The following FRY variants were observed in gnomAD, a reference collection of about 807,000 sequenced individuals.
FRY encodes protein furry homolog.
In FRY, 128 loss-of-function variants were observed where a neutral mutation model predicts 348.4. The ratio of observed to expected loss-of-function variants is 0.37; its 90% CI spans 0.32 to 0.43. FRY has a LOEUF of 0.43. FRY is among the 20% of genes least tolerant of loss of function. FRY has a pLI of 1.00. For missense variants in FRY, 2,736 were observed against 3,695.2 expected (o/e 0.74, Z 6.73); for synonymous variants, 1,370 against 1,374.7 (o/e 1.00, Z 0.08).
intron 2 of FRY, among the ~76,000 whole-genome samples, chr13:32,094,334 T>C (rs762975545): frequency 1.3e-5 from 2 of 152,236 alleles, no homozygotes; most frequent in African/African-American, 4.8e-5. Flanking sequence ...GTCCATCCTC[T>C]GAAGCATTAT....
At chr13:32,286,390 C>T (rs2138635593) in intron 58 of FRY, among the ~76,000 whole-genome samples, 1 of 152,192 alleles carries the variant, frequency 6.6e-6, no homozygotes, top group Non-Finnish European at 1.5e-5. Context: ...TCAAGTTTTA[C>T]TTATCTCTTT....
chr13:32,128,119 A>T (rs1879138654), intron 7 of FRY, among the ~76,000 whole-genome samples: 1 of 152,180 alleles, frequency 6.6e-6, no homozygotes, highest in African/African-American at 2.4e-5. Flanking sequence ...TCTTGATTTA[A>T]AGTATCACTT....
At chr13:32,264,838 C>T (rs780131734) in intron 53 of FRY, among the ~76,000 whole-genome samples, 2 of 152,116 alleles carry the variant, frequency 1.3e-5, no homozygotes, top group African/African-American at 2.4e-5. Flanking sequence ...ATGGAAAGAC[C>T]GAGCAACCCA....
Position 32,278,550 on chromosome 13 carries a change from T to A in FRY, c.8469+2T>A. 1 of 1,480,618 alleles carries A rather than the reference T, an allele frequency of 6.8e-7. No individual in the cohort carries two copies. Among genetic ancestry groups the A allele is most frequent in the Non-Finnish European group, 9.4e-7 (1 of 1,058,408 alleles). 91.7% of individuals were successfully genotyped at this position (1,480,618 alleles called of 1,614,324 possible). A position where few individuals can be genotyped will look rare whatever the true frequency, so the allele number is the denominator to read the frequency against. On this transcript the variant is annotated splice_donor_variant, in intron 58 of 60. Transcript: ENST00000542859. LOFTEE classifies it high-confidence loss of function. ...CAACCAGGGGACTCCGAAGAAAAGG[T>A]AATAAAAGCCTGTTAGAATGGGTCT...
At chr13:32,145,119 C>T (rs1282754674) in intron 11 of FRY, among the ~76,000 whole-genome samples, 4 of 152,080 alleles carry the variant, frequency 2.6e-5, no homozygotes, top group Admixed American at 1.3e-4. Flanking sequence ...ACAAAGCTTG[C>T]GGGAGAGTAA....
chr13:32,138,599 TCC>T (rs1481047710), intron 11 of FRY, among the ~76,000 whole-genome samples: 1 of 152,100 alleles, frequency 6.6e-6, no homozygotes, highest in African/African-American at 2.4e-5. Context: ...TGACAGTATA[TCC>T]CTGTGCAAAC....
intron 1 of FRY, among the ~76,000 whole-genome samples, chr13:32,049,989 G>A (rs1257420159): frequency 1.3e-5 from 2 of 152,232 alleles, no homozygotes; most frequent in African/African-American, 4.8e-5. Flanking sequence ...AGGTTAAAAG[G>A]TGATGGCGGG....
chr13:32,107,474 G>C (rs1229839385), intron 3 of FRY, among the ~76,000 whole-genome samples: 1 of 152,222 alleles, frequency 6.6e-6, no homozygotes, highest in African/African-American at 2.4e-5. Flanking sequence ...ACACATTGGA[G>C]AACTAGGAAT....
At chr13:32,176,512 T>C (rs529750458) in intron 20 of FRY, among the ~76,000 whole-genome samples, 16 of 152,360 alleles carry the variant, frequency 1.1e-4, no homozygotes, top group Non-Finnish European at 1.9e-4. Flanking sequence ...GCCCTGTTCT[T>C]GCTTATGATC....
chr13:32,209,454 T>C, intron 32 of FRY, 131 bp from the exon 33 acceptor site: 1 of 861,838 alleles, frequency 1.2e-6, no homozygotes, highest in Non-Finnish European at 2.0e-6. Flanking sequence ...GGCATCTTTC[T>C]GATAAATGGT....
chr13:32,040,612 A>G (rs1310146741), intron 1 of FRY, among the ~76,000 whole-genome samples: 2 of 152,228 alleles, frequency 1.3e-5, no homozygotes, highest in Non-Finnish European at 2.9e-5. Flanking sequence ...CTGAATAAGA[A>G]GAAGTTGTCA....
At chr13:32,224,072 C>A (rs1885456127) in intron 36 of FRY, among the ~76,000 whole-genome samples, 163 bp from the exon 37 acceptor site, 4 of 150,888 alleles carry the variant, frequency 2.7e-5, no homozygotes, top group African/African-American at 7.4e-5. Flanking sequence ...TGCACTCCAG[C>A]CTGGGTGCCA....
intron 4 of FRY, among the ~76,000 whole-genome samples, chr13:32,120,143 G>A (rs1176871039): frequency 6.6e-6 from 1 of 151,922 alleles, no homozygotes; most frequent in African/African-American, 2.4e-5. Flanking sequence ...ATATACTATT[G>A]AGCATTTATG....
chr13:32,178,586 A>AT (rs368389061), intron 21 of FRY, 150 bp downstream of exon 21: 3 of 965,054 alleles, frequency 3.1e-6, no homozygotes, highest in African/African-American at 3.3e-5. Flanking sequence ...CATTAAAAAA[A>AT]TTTTGTCTAA....
Position 32,192,739 on chromosome 13 carries a change from C to CTTT in FRY, c.3592-1384_3592-1382dup, listed in dbSNP as rs71194513. Among the ~76,000 whole-genome samples the CTTT allele has an allele frequency of 7.7e-3, 762 of 99,210 alleles. 24 individuals carry two copies. Among genetic ancestry groups the CTTT allele is most frequent in the African/African-American group, 0.024 (604 of 24,986 alleles). The allele number at this position is 99,210 out of a possible 152,430, so 65.1% of individuals were successfully genotyped here. ...TTTAAGAAGAGGCACCAGAATGTTA[C>CTTT]TTTTTTTTTTTTTTTTTTTTTTGAG... On this transcript the variant is annotated intron_variant, in intron 28 of 60. Transcript: ENST00000542859.
intron 11 of FRY, among the ~76,000 whole-genome samples, chr13:32,139,911 G>A (rs1245148656): frequency 6.6e-6 from 1 of 151,870 alleles, no homozygotes; most frequent in Non-Finnish European, 1.5e-5. Flanking sequence ...TTAAAATGTT[G>A]AGTCACCATT....
At chr13:32,249,299 C>G (rs965983509) in intron 48 of FRY, among the ~76,000 whole-genome samples, 17 of 151,424 alleles carry the variant, frequency 1.1e-4, no homozygotes, top group Non-Finnish European at 2.4e-4. Flanking sequence ...TATTAAAGAA[C>G]AAGCAGTTGC....
At position 32,265,470 on chromosome 13, in the gene FRY, G is replaced by C. The variant is rs754798285; in HGVS notation, c.7800G>C (p.Glu2600Asp). 3 of 1,614,032 alleles carry C rather than the reference G, an allele frequency of 1.9e-6. No homozygotes were observed. In the African/African-American group the frequency reaches 4.0e-5, roughly 22 times the overall value. ...EGSKAEAVRE[E>D]EDTTVHEDDL... ...TCCAGGCTGAAGCTGTTCGTGAGGAGGAGGACACCACCGTGCATGAGGATG... is the reference window on the plus strand; with the variant it reads ...TCCAGGCTGAAGCTGTTCGTGAGGACGAGGACACCACCGTGCATGAGGATG... The change falls in exon 54 of 61, where the codon GAG becomes GAC. Residue 2600 changes from glutamate (E) to aspartate (D), a missense_variant. Coordinates refer to ENST00000542859, the MANE Select transcript of FRY (RefSeq NM_023037.3).
chr13:32,056,767 G>A (rs1348303484), intron 1 of FRY, among the ~76,000 whole-genome samples: 1 of 152,084 alleles, frequency 6.6e-6, no homozygotes, highest in East Asian at 1.9e-4. Flanking sequence ...CCATATTTCT[G>A]TGAAAATATT....
Sources: allele counts gnomAD v4.1 joint callset (sites outside exome capture counted in the v4.1 genomes callset), GRCh38; gene constraint gnomAD v4.1.1; transcripts MANE v1.5; gene names NCBI Gene and HGNC (gene_info 2026-07-23, HGNC 2026-07-21).